Variants in RBMS3 observed in about 807,000 individuals in gnomAD.
RBMS3 encodes RNA-binding motif, single-stranded-interacting protein 3.
In RBMS3, 27 loss-of-function variants were observed where a neutral mutation model predicts 66.8. That is an observed-to-expected ratio of 0.40 (90% confidence interval 0.30 to 0.56). The LOEUF is 0.56. Among genes scored for constraint, RBMS3 ranks in the 20% least tolerant of loss-of-function variants. The pLI is 0.40. For missense variants in RBMS3, 513 were observed against 549.5 expected (o/e 0.93, Z 0.66); for synonymous variants, 188 against 183.0 (o/e 1.03, Z -0.22).
At chr3:29,983,826 T>C (rs1698174962) in intron 12 of RBMS3, among the ~76,000 whole-genome samples, 2 of 151,768 alleles carry the variant, frequency 1.3e-5, no homozygotes, top group Non-Finnish European at 2.9e-5. Flanking sequence ...TGACCTTTCT[T>C]TCTGGCTGCC....
intron 6 of RBMS3, among the ~76,000 whole-genome samples, chr3:29,790,838 T>C (rs1366235314): frequency 6.6e-6 from 1 of 152,220 alleles, no homozygotes; most frequent in East Asian, 1.9e-4. Flanking sequence ...TGAATAAAAT[T>C]TCCCAGTTAG....
chr3:29,422,177 A>G (rs1387291129), intron 1 of RBMS3, among the ~76,000 whole-genome samples: 1 of 152,204 alleles, frequency 6.6e-6, no homozygotes, highest in Non-Finnish European at 1.5e-5. Flanking sequence ...GTGTGTCTGC[A>G]GGATCTATGT....
At chr3:29,975,506 CAGTG>C (rs1373812324) in intron 12 of RBMS3, among the ~76,000 whole-genome samples, 6 of 151,724 alleles carry the variant, frequency 4.0e-5, no homozygotes, top group Admixed American at 1.3e-4. Context: ...TTCTAATGAC[CAGTG>C]AGTGAGATCA....
intron 4 of RBMS3, among the ~76,000 whole-genome samples, chr3:29,670,580 C>T (rs1369217873): frequency 6.6e-6 from 1 of 152,210 alleles, no homozygotes; most frequent in African/African-American, 2.4e-5. Context: ...ATGGTCTTAG[C>T]AAATGGCACA....
chr3:29,325,580 G>A (rs941799396), intron 1 of RBMS3, among the ~76,000 whole-genome samples: 1 of 150,504 alleles, frequency 6.6e-6, no homozygotes, highest in Admixed American at 6.6e-5. Context: ...ATATACATGT[G>A]TGTATGTATA....
intron 6 of RBMS3, among the ~76,000 whole-genome samples, chr3:29,838,885 G>C (rs995255921): frequency 2.0e-5 from 3 of 152,086 alleles, no homozygotes; most frequent in Middle Eastern, 3.2e-3. Flanking sequence ...GTCACCGTTA[G>C]GTAGCTCTCA....
At chr3:29,692,208 C>T (rs1210983097) in intron 4 of RBMS3, among the ~76,000 whole-genome samples, 16 of 151,876 alleles carry the variant, frequency 1.1e-4, no homozygotes, top group Admixed American at 9.8e-4. Flanking sequence ...TCTCAAACTC[C>T]TAACCTCAGG....
intron 2 of RBMS3, among the ~76,000 whole-genome samples, chr3:29,475,860 T>A (rs1358059638): frequency 1.3e-5 from 2 of 152,098 alleles, no homozygotes; most frequent in Non-Finnish European, 2.9e-5. Flanking sequence ...GATAAATATA[T>A]TTAAGCTTAT....
chr3:29,726,854 GA>G (rs1393212152), intron 4 of RBMS3, among the ~76,000 whole-genome samples: 7 of 151,918 alleles, frequency 4.6e-5, no homozygotes, highest in African/African-American at 7.3e-5. Context: ...TGCAAAATTA[GA>G]AAAAAAGTAC....
intron 4 of RBMS3, among the ~76,000 whole-genome samples, chr3:29,622,562 A>C (rs917161102): frequency 2.6e-5 from 4 of 152,242 alleles, no homozygotes; most frequent in African/African-American, 9.6e-5. Context: ...TGTACAATAA[A>C]ATTGGCTTGT....
At chr3:29,309,553 G>A (rs1458504616) in intron 1 of RBMS3, among the ~76,000 whole-genome samples, 2 of 151,480 alleles carry the variant, frequency 1.3e-5, no homozygotes, top group Non-Finnish European at 3.0e-5. Context: ...AAGATTAAGA[G>A]GGAAATTATA....
chr3:29,998,891 A>T (rs551940570), intron 14 of RBMS3, among the ~76,000 whole-genome samples: 13 of 152,180 alleles, frequency 8.5e-5, no homozygotes, highest in Non-Finnish European at 1.6e-4. Context: ...CACCAAAAGC[A>T]ATGGCAACAA....
intron 1 of RBMS3, among the ~76,000 whole-genome samples, chr3:29,410,280 T>C (rs1455442984): frequency 1.3e-5 from 2 of 152,234 alleles, no homozygotes; most frequent in Admixed American, 6.5e-5. Context: ...CTGCTGGCCT[T>C]CTAACAAATA....
intron 3 of RBMS3, among the ~76,000 whole-genome samples, chr3:29,580,271 T>C: frequency 6.6e-6 from 1 of 152,194 alleles, no homozygotes; most frequent in East Asian, 1.9e-4. Context: ...AGCACTTTTT[T>C]CCCACAATTT....
intron 14 of RBMS3, among the ~76,000 whole-genome samples, chr3:30,000,118 T>C (rs1189414578): frequency 6.6e-6 from 1 of 152,020 alleles, no homozygotes; most frequent in Non-Finnish European, 1.5e-5. Flanking sequence ...ACGTACAGAA[T>C]GGGAGAAAAT....
At chr3:29,304,127 A>G (rs1325577461) in intron 1 of RBMS3, among the ~76,000 whole-genome samples, 1 of 151,960 alleles carries the variant, frequency 6.6e-6, no homozygotes, top group Non-Finnish European at 1.5e-5. Context: ...TCACATAGAG[A>G]ACTCAGTATT....
At chr3:29,859,000 A>G (rs1482853300) in intron 6 of RBMS3, among the ~76,000 whole-genome samples, 2 of 152,192 alleles carry the variant, frequency 1.3e-5, no homozygotes, top group Non-Finnish European at 2.9e-5. Context: ...AGAATTATAT[A>G]TAAAACCAAA....
chr3:29,717,942 T>C (rs1344514527), intron 4 of RBMS3, among the ~76,000 whole-genome samples: 3 of 152,220 alleles, frequency 2.0e-5, no homozygotes, highest in Non-Finnish European at 2.9e-5. Context: ...ATGCCCACGC[T>C]TTGTGAAGAG....
intron 4 of RBMS3, among the ~76,000 whole-genome samples, chr3:29,599,668 G>A (rs920882171): frequency 3.9e-5 from 6 of 151,982 alleles, no homozygotes; most frequent in African/African-American, 1.4e-4. Context: ...AAATAAAAAT[G>A]TACAAACATT....
Sources: gnomAD v4.1 joint callset for allele counts (sites outside exome capture counted in the v4.1 genomes callset) on GRCh38, gnomAD v4.1.1 for gene constraint, MANE v1.5 for transcripts, NCBI Gene and HGNC (gene_info 2026-07-23, HGNC 2026-07-21) for gene names.